Variants in HCRTR2 observed in about 807,000 individuals in gnomAD.
The protein encoded by HCRTR2 is orexin receptor type 2.
HCRTR2 carries 22 observed loss-of-function variants against 49.0 expected under a neutral mutation model. That is an observed-to-expected ratio of 0.45 (90% CI 0.32 to 0.64). HCRTR2 has a LOEUF of 0.64. Ranked by LOEUF, HCRTR2 falls within the 30% of genes least tolerant of loss-of-function variation. HCRTR2 has a pLI of 0.04. For synonymous variants in HCRTR2, 236 were observed against 205.3 expected (o/e 1.15, Z -1.28); for missense variants, 491 against 559.4 (o/e 0.88, Z 1.23).
intron 1 of HCRTR2, among the ~76,000 whole-genome samples, chr6:55,146,434 C>T (rs1402022967): frequency 2.0e-5 from 3 of 152,066 alleles, no homozygotes; most frequent in Non-Finnish European, 2.9e-5. Context: ...AAAACAATGA[C>T]ATTTCAAGGT....
intron 1 of HCRTR2, among the ~76,000 whole-genome samples, chr6:55,147,640 T>C (rs532772237): frequency 6.6e-6 from 1 of 152,182 alleles, no homozygotes; most frequent in Admixed American, 6.5e-5. Context: ...TATGATGTTA[T>C]CTTTCTATAA....
At chr6:55,154,695 AATAG>A (rs1398108100) in intron 1 of HCRTR2, among the ~76,000 whole-genome samples, 9 of 138,592 alleles carry the variant, frequency 6.5e-5, no homozygotes, top group Admixed American at 5.2e-4. Context: ...TAAATAAATA[AATAG>A]ATAAATAAAT....
chr6:55,210,565 C>G (rs935926280), intron 1 of HCRTR2, among the ~76,000 whole-genome samples: 1 of 152,004 alleles, frequency 6.6e-6, no homozygotes, highest in Non-Finnish European at 1.5e-5. Context: ...ATTGAGAAAC[C>G]CAGTCCACAG....
intron 1 of HCRTR2, among the ~76,000 whole-genome samples, chr6:55,188,994 A>T (rs1417128589): frequency 6.6e-6 from 1 of 152,212 alleles, no homozygotes; most frequent in Admixed American, 6.5e-5. Context: ...AAAAATAATT[A>T]TTTATAAACC....
At chr6:55,245,091 C>T (rs1395925427) in intron 1 of HCRTR2, among the ~76,000 whole-genome samples, 2 of 151,694 alleles carry the variant, frequency 1.3e-5, no homozygotes, top group Non-Finnish European at 2.9e-5. Flanking sequence ...AATTTGAAGT[C>T]AGTTAATACG....
intron 1 of HCRTR2, among the ~76,000 whole-genome samples, chr6:55,205,957 A>G (rs1765593799): frequency 6.6e-6 from 1 of 152,100 alleles, no homozygotes; most frequent in Admixed American, 6.5e-5. Context: ...CCATAAATAT[A>G]TACATCTACT....
At position 55,187,337 on chromosome 6, in the gene HCRTR2, C is replaced by A. The variant is rs113439338; in HGVS notation, c.223+12527C>A. ...CTGAGGCAGGAGAATCACTTCAACC[C>A]GGGAGACGGAGGTTGCAGTGAGCCA... On this transcript the variant is annotated intron_variant, in intron 1 of 6. Coordinates refer to ENST00000370862, the MANE Select transcript of HCRTR2 (RefSeq NM_001384272.1). Among the ~76,000 whole-genome samples the A allele has an allele frequency of 2.4e-3, 341 of 139,872 alleles. 3 individuals are homozygous for A. Among genetic ancestry groups the A allele is most frequent in the African/African-American group, 8.2e-3 (307 of 37,662 alleles). 91.8% of individuals were successfully genotyped at this position (139,872 alleles called of 152,430 possible).
rs1764035826 is a variant in HCRTR2 at position 55,110,632 on chromosome 6, G to A, written c.-378+4087G>A. Among the ~76,000 whole-genome samples, 3 of 101,282 alleles carry A rather than the reference G, an allele frequency of 3.0e-5. No individual in the cohort carries two copies. In the Admixed American group the frequency reaches 3.5e-4, roughly 12 times the overall value. The allele number at this position is 101,282 out of a possible 152,430, so 66.4% of individuals were successfully genotyped here. A position where few individuals can be genotyped will look rare whatever the true frequency, so the allele number is the denominator to read the frequency against. On this transcript the variant is annotated intron_variant, in intron 1 of 7. Transcript: ENST00000615358. ...CAACAACAATTAAAAAAAAGACAAA[G>A]AGGGACATTATATAAAGATAAAAGG...
At chr6:55,204,479 G>A (rs1231764772) in intron 1 of HCRTR2, among the ~76,000 whole-genome samples, 1 of 152,006 alleles carries the variant, frequency 6.6e-6, no homozygotes, top group Non-Finnish European at 1.5e-5. Context: ...ACAAACCTGA[G>A]CTAATACTGG....
chr6:55,156,238 C>T (rs1459701600), intron 1 of HCRTR2, among the ~76,000 whole-genome samples: 1 of 151,810 alleles, frequency 6.6e-6, no homozygotes, highest in African/African-American at 2.4e-5. Context: ...TATAATAATC[C>T]TAGTTAAGGT....
At position 55,174,575 on chromosome 6, in the gene HCRTR2, A is replaced by G. The variant is rs1272784622; in HGVS notation, c.-13A>G. 3 of 1,609,492 alleles carry G rather than the reference A, an allele frequency of 1.9e-6. No homozygotes were observed. The highest frequency in any genetic ancestry group is 2.2e-5 in the East Asian group (1 of 44,824). On this transcript the variant is annotated 5_prime_UTR_variant, in exon 1 of 7. Transcript: ENST00000370862. ...AGCTTGCAGCATTGAGCGGAACCGG[A>G]CTTGAGCCCGTGATGTCCGGCACCA...
intron 2 of HCRTR2, 80 bp downstream of exon 2, chr6:55,248,897 G>T: frequency 8.6e-7 from 1 of 1,161,180 alleles, no homozygotes; most frequent in Non-Finnish European, 1.3e-6. Flanking sequence ...AAATTAACTA[G>T]TGAGTTGAGA....
intron 1 of HCRTR2, among the ~76,000 whole-genome samples, chr6:55,202,138 A>G (rs1206655486): frequency 1.3e-5 from 2 of 152,238 alleles, no homozygotes; most frequent in Non-Finnish European, 2.9e-5. Flanking sequence ...TTCAGATTAA[A>G]TAATGTGTTA....
intron 1 of HCRTR2, among the ~76,000 whole-genome samples, chr6:55,109,729 C>T (rs1336429944): frequency 1.3e-5 from 2 of 151,878 alleles, no homozygotes; most frequent in Non-Finnish European, 2.9e-5. Context: ...ATATGTTAAG[C>T]AGCCAAACCT....
intron 1 of HCRTR2, among the ~76,000 whole-genome samples, chr6:55,132,540 A>C (rs1350524369): frequency 6.6e-6 from 1 of 151,906 alleles, no homozygotes; most frequent in Non-Finnish European, 1.5e-5. Context: ...AGAGAAACAG[A>C]TGGAATGTGG....
At chr6:55,130,395 T>TC (rs1409101260) in intron 1 of HCRTR2, among the ~76,000 whole-genome samples, 3 of 151,668 alleles carry the variant, frequency 2.0e-5, no homozygotes, top group Non-Finnish European at 4.4e-5. Flanking sequence ...TGTTTTTTTT[T>TC]TCATTTTCTT....
intron 1 of HCRTR2, among the ~76,000 whole-genome samples, chr6:55,188,465 T>C (rs1765262566): frequency 6.6e-6 from 1 of 152,170 alleles, no homozygotes; most frequent in Non-Finnish European, 1.5e-5. Context: ...AAAGATATCT[T>C]TTTCATCCAA....
chr6:55,242,276 G>C (rs1766350832), intron 1 of HCRTR2, among the ~76,000 whole-genome samples: 2 of 151,952 alleles, frequency 1.3e-5, no homozygotes, highest in African/African-American at 4.8e-5. Flanking sequence ...TCACCTTATA[G>C]TGCAACCATC....
At chr6:55,200,238 TGTG>T (rs1562004601) in intron 1 of HCRTR2, among the ~76,000 whole-genome samples, 2 of 19,560 alleles carry the variant, frequency 1.0e-4, no homozygotes, top group East Asian at 1.5e-3. Flanking sequence ...TGCTGTCTTG[TGTG>T]TGTGTGTGTG....
Sources: allele counts gnomAD v4.1 joint callset (sites outside exome capture counted in the v4.1 genomes callset), GRCh38; gene constraint gnomAD v4.1.1; transcripts MANE v1.5; gene names NCBI Gene and HGNC (gene_info 2026-07-23, HGNC 2026-07-21).